ADAMTS17: variants seen among roughly 807,000 people sequenced by gnomAD.
The protein encoded by ADAMTS17 is ADAM metallopeptidase with thrombospondin type 1 motif 17, also known as A disintegrin and metalloproteinase with thrombospondin motifs 17.
ADAMTS17 carries 113 observed loss-of-function variants against 141.5 expected under a neutral mutation model. The observed-to-expected ratio is 0.80, with a 90% CI of 0.69 to 0.93. The LOEUF is 0.93. ADAMTS17 is among the 40% of genes least tolerant of loss of function. The pLI, the probability that ADAMTS17 is intolerant of heterozygous loss-of-function variation, is 0.00. For synonymous variants in ADAMTS17, 768 were observed against 630.6 expected, an observed-to-expected ratio of 1.22 and a Z score of -3.27; for missense variants, 1,659 against 1,517.9, an observed-to-expected ratio of 1.09 and a Z score of -1.54.
At chr15:99,985,820 A>G (rs1422875236) in intron 20 of ADAMTS17, among the ~76,000 whole-genome samples, 1 of 152,190 alleles carries the variant, frequency 6.6e-6, no homozygotes, top group Non-Finnish European at 1.5e-5. Context: ...TGTAAATTCT[A>G]AAGCAACGGC....
intron 8 of ADAMTS17, among the ~76,000 whole-genome samples, chr15:100,156,949 C>A (rs920236892): frequency 6.6e-6 from 1 of 152,180 alleles, no homozygotes; most frequent in Non-Finnish European, 1.5e-5. Context: ...TGAAACTGGG[C>A]AATTTTTAAA....
chr15:99,982,850 G>A (rs905943420), intron 20 of ADAMTS17, among the ~76,000 whole-genome samples: 1 of 152,160 alleles, frequency 6.6e-6, no homozygotes, highest in Admixed American at 6.5e-5. Flanking sequence ...GCTGTGCGTC[G>A]GAGCTGGCTG....
At chr15:100,161,089 G>A (rs2039672171) in intron 8 of ADAMTS17, among the ~76,000 whole-genome samples, 1 of 152,160 alleles carries the variant, frequency 6.6e-6, no homozygotes, top group African/African-American at 2.4e-5. Flanking sequence ...TGTCTCACGT[G>A]GCCCAGCTTT....
chr15:100,149,040 C>T (rs1017061230), intron 10 of ADAMTS17, among the ~76,000 whole-genome samples: 3 of 152,200 alleles, frequency 2.0e-5, no homozygotes, highest in African/African-American at 2.4e-5. Flanking sequence ...AGGCGGCACA[C>T]GCCTGCACCA....
intron 15 of ADAMTS17, among the ~76,000 whole-genome samples, chr15:100,064,583 C>T (rs1323256052): frequency 1.3e-5 from 2 of 152,172 alleles, no homozygotes; most frequent in Non-Finnish European, 2.9e-5. Context: ...GACGAAACTA[C>T]AGTATTGCCT....
rs1225461099 is a variant in ADAMTS17 at position 100,012,082 on chromosome 15, A to G, written c.2592-14493T>C. On this transcript the variant is annotated intron_variant, in intron 18 of 21. Coordinates refer to ENST00000268070, the MANE Select transcript of ADAMTS17 (RefSeq NM_139057.4). ...GTTTTTTGATTTTTTGGTTATGGTC[A>G]TTCTTGCAGTAGTAATGGGGTATCG... Among the ~76,000 whole-genome samples the G allele has an allele frequency of 2.0e-5, 3 of 152,322 alleles. No individual in the cohort carries two copies. In the East Asian group the frequency reaches 5.8e-4, roughly 29 times the overall value.
Position 99,993,250 on chromosome 15 carries a change from C to G in ADAMTS17, c.2797-50G>C. 1 of 1,611,460 alleles carries G rather than the reference C, an allele frequency of 6.2e-7. No individual in the cohort carries two copies. Among genetic ancestry groups the G allele is most frequent in the African/African-American group, 1.3e-5 (1 of 75,014 alleles). On this transcript the variant is annotated intron_variant, in intron 19 of 21. Transcript: ENST00000268070. The surrounding 1 kb of genome is among the most constrained non-coding windows in gnomAD (Gnocchi z 4.3). ...AACCGAGTTCCAATTCGATTCAAGTCCATCAACAGCTATTAACTCCCTCCA... is the reference window on the plus strand; with the variant it reads ...AACCGAGTTCCAATTCGATTCAAGTGCATCAACAGCTATTAACTCCCTCCA...
intron 7 of ADAMTS17, among the ~76,000 whole-genome samples, chr15:100,238,797 G>A (rs768028593): frequency 1.3e-5 from 2 of 152,100 alleles, no homozygotes; most frequent in Non-Finnish European, 2.9e-5. Flanking sequence ...ATCGAAAAGC[G>A]AGAAAGGCAG....
intron 7 of ADAMTS17, among the ~76,000 whole-genome samples, chr15:100,253,152 A>G (rs1328978966): frequency 6.6e-6 from 1 of 151,750 alleles, no homozygotes; most frequent in Non-Finnish European, 1.5e-5. Context: ...TGGCAATGCA[A>G]TACTATATTT....
At chr15:100,340,410 T>C (rs2046328456) in intron 2 of ADAMTS17, among the ~76,000 whole-genome samples, 1 of 152,138 alleles carries the variant, frequency 6.6e-6, no homozygotes, top group South Asian at 2.1e-4. Flanking sequence ...TCAGGCCTGG[T>C]TGGGGGTGGG....
chr15:100,262,808 A>G (rs779452373), intron 4 of ADAMTS17, among the ~76,000 whole-genome samples: 2 of 151,618 alleles, frequency 1.3e-5, no homozygotes, highest in Admixed American at 6.6e-5. Context: ...CAAAAAACCT[A>G]AAGAATAATT....
At chr15:100,218,065 G>T (rs1232666812) in intron 7 of ADAMTS17, among the ~76,000 whole-genome samples, 1 of 151,978 alleles carries the variant, frequency 6.6e-6, no homozygotes, top group Non-Finnish European at 1.5e-5. Context: ...TAGATACAGG[G>T]TTTCACCATG....
chr15:100,163,508 C>T (rs1040244679), intron 8 of ADAMTS17, among the ~76,000 whole-genome samples: 3 of 152,014 alleles, frequency 2.0e-5, no homozygotes, highest in African/African-American at 7.3e-5. Context: ...AATTAATAGA[C>T]AGGGTCTCAC....
At chr15:100,035,309 G>A (rs1265208936) in intron 18 of ADAMTS17, among the ~76,000 whole-genome samples, 1 of 152,236 alleles carries the variant, frequency 6.6e-6, no homozygotes, top group Non-Finnish European at 1.5e-5. Flanking sequence ...AGGAACAGAT[G>A]TAAAACGTGA....
intron 3 of ADAMTS17, among the ~76,000 whole-genome samples, chr15:100,318,280 C>T (rs12442939): frequency 0.011 from 1,744 of 152,006 alleles, 15 homozygotes; most frequent in Middle Eastern, 0.024. Context: ...ACCCGCCCCC[C>T]CTTATAGTTT....
chr15:100,053,095 A>C (rs2032273206), intron 16 of ADAMTS17, among the ~76,000 whole-genome samples: 1 of 152,222 alleles, frequency 6.6e-6, no homozygotes, highest in African/African-American at 2.4e-5. Context: ...ACTGTGGACA[A>C]AGCGTGTTTT....
In ADAMTS17 at chr15:100,330,944, G is replaced by A. The variant is rs753985160; in HGVS notation, c.561C>T (p.Thr187=). The part of the protein sequence containing the change: ...EHLIRRKWSL[T]PSPSAEAQRP... ...TCTGGGCCTCAGCAGAAGGGCTGGG[G>A]GTCAAGGACCATTTGCGCCTGATCA... Residue 187 remains threonine (T), a synonymous_variant, in exon 3 of 22, where the codon ACC becomes ACT. Transcript: ENST00000268070. The A allele has an allele frequency of 6.2e-7, 1 of 1,614,160 alleles. No homozygotes were observed. Among genetic ancestry groups the A allele is most frequent in the Non-Finnish European group, 8.5e-7 (1 of 1,180,040 alleles).
intron 12 of ADAMTS17, among the ~76,000 whole-genome samples, chr15:100,121,994 A>G (rs756209467): frequency 2.2e-4 from 34 of 152,094 alleles, no homozygotes; most frequent in Non-Finnish European, 1.9e-4. Flanking sequence ...AACCTCTACA[A>G]GCCTCTCCCT....
intron 10 of ADAMTS17, among the ~76,000 whole-genome samples, chr15:100,145,842 A>G (rs2038877170): frequency 6.6e-6 from 1 of 152,254 alleles, no homozygotes; most frequent in African/African-American, 2.4e-5. Flanking sequence ...CTAAGTTGAC[A>G]TTCTAATCTT....
Sources: gnomAD v4.1 joint callset for allele counts (sites outside exome capture counted in the v4.1 genomes callset) on GRCh38, gnomAD v4.1.1 for gene constraint, Gnocchi (gnomAD v3.1) non-coding constraint, MANE v1.5 for transcripts, NCBI Gene and HGNC (gene_info 2026-07-23, HGNC 2026-07-21) for gene names.